KIRREL3: variants seen among roughly 807,000 people sequenced by gnomAD.
KIRREL3 encodes kirre like nephrin family adhesion molecule 3.
KIRREL3 carries 36 observed loss-of-function variants against 89.7 expected under a neutral mutation model. The observed-to-expected ratio is 0.40, with a 90% confidence interval of 0.31 to 0.53. The LOEUF (loss-of-function observed/expected upper bound fraction) is 0.53, where lower values mean the gene tolerates loss of function less well. Ranked by LOEUF, KIRREL3 falls within the 20% of genes least tolerant of loss-of-function variation. The pLI, the probability that KIRREL3 is intolerant of heterozygous loss-of-function variation, is 0.49. For synonymous variants in KIRREL3, 445 were observed against 441.4 expected (o/e 1.01, Z -0.10); for missense variants, 864 against 1,056.6 (o/e 0.82, Z 2.53).
intron 1 of KIRREL3, among the ~76,000 whole-genome samples, chr11:126,963,520 C>T (rs985584459): frequency 2.0e-5 from 3 of 152,162 alleles, no homozygotes; most frequent in African/African-American, 4.8e-5. Context: ...ATCTGTGCAA[C>T]GTTTCTGAAC....
At chr11:126,835,972 G>A (rs1014767669) in intron 1 of KIRREL3, among the ~76,000 whole-genome samples, 8 of 152,152 alleles carry the variant, frequency 5.3e-5, no homozygotes, top group East Asian at 1.9e-4. Context: ...AAGCTGCCCC[G>A]TCTTTGACGA....
At chr11:126,425,153 G>T in intron 16 of KIRREL3, 130 bp from the exon 17 acceptor site, 1 of 810,898 alleles carries the variant, frequency 1.2e-6, no homozygotes. Context: ...GAGCAACCTG[G>T]TAGGGAGCAA....
chr11:126,710,436 C>T lies in KIRREL3; in HGVS notation c.56-147524G>A, dbSNP rs777537850. ...AGTGGGAAGTAGCTTTAGCTTCCCACGACTGTTCAATAGCATTCAAGTAAC... is the reference window on the plus strand; with the variant it reads ...AGTGGGAAGTAGCTTTAGCTTCCCATGACTGTTCAATAGCATTCAAGTAAC... On this transcript the variant is annotated intron_variant, in intron 1 of 16. Transcript: ENST00000525144. The surrounding 1 kb of genome is among the most constrained non-coding windows in gnomAD (Gnocchi z 4.2). Among the ~76,000 whole-genome samples, 3 of 152,138 alleles carry T rather than the reference C, an allele frequency of 2.0e-5. No individual in the cohort carries two copies. The highest frequency in any genetic ancestry group is 4.4e-5 in the Non-Finnish European group (3 of 68,008).
At chr11:126,799,366 G>GTGTGCATA (rs1950937879) in intron 1 of KIRREL3, among the ~76,000 whole-genome samples, 1 of 129,806 alleles carries the variant, frequency 7.7e-6, no homozygotes, top group Non-Finnish European at 1.6e-5. Flanking sequence ...GTGTATCTGT[G>GTGTGCATA]TATCTGTGTG....
chr11:126,922,915 G>A (rs1435295387), intron 1 of KIRREL3, among the ~76,000 whole-genome samples: 2 of 152,162 alleles, frequency 1.3e-5, no homozygotes, highest in South Asian at 2.1e-4. Flanking sequence ...GGTTCTTGCC[G>A]AGGTTGCGAA....
At position 126,612,328 on chromosome 11, in the gene KIRREL3, CT is replaced by C. The variant is rs1367386220; in HGVS notation, c.56-49417del. On this transcript the variant is annotated intron_variant, in intron 1 of 16. Coordinates refer to ENST00000525144, the MANE Select transcript of KIRREL3 (RefSeq NM_032531.4). This position sits in a 1 kb window ranked among gnomAD's most constrained non-coding sequence, Gnocchi z 4.5. ...GAATTTGAGTATTATATGGACACCC[CT>C]GGCATAGAATAAATGCTCCCTCAGT... Among the ~76,000 whole-genome samples the C allele has an allele frequency of 6.6e-6, 1 of 151,572 alleles. No individual in the cohort carries two copies. The highest frequency in any genetic ancestry group is 1.5e-5 in the Non-Finnish European group (1 of 67,874).
Position 126,989,136 on chromosome 11 carries a change from A to G in KIRREL3, c.55+11319T>C, listed in dbSNP as rs766200237. Among the ~76,000 whole-genome samples the G allele has an allele frequency of 6.6e-5, 10 of 152,326 alleles. No homozygotes were observed. In the Middle Eastern group the frequency reaches 0.01, roughly 155 times the overall value. ...GTAAATTCTCAAACTATGCAGCTCT[A>G]TGTTTCCTCTTCTACCCTTGTAGCA... On this transcript the variant is annotated intron_variant, in intron 1 of 16. Transcript: ENST00000525144. This position sits in a 1 kb window ranked among gnomAD's most constrained non-coding sequence, Gnocchi z 6.2.
In KIRREL3 at chr11:126,424,717, T is replaced by C. The variant is rs1954862828; in HGVS notation, c.2200A>G (p.Ser734Gly). 1 of 1,613,988 alleles carries C rather than the reference T, an allele frequency of 6.2e-7. No homozygotes were observed. The part of the protein sequence containing the change: ...DTQCDSSVSS[S>G]GKQDGYVQFD... ...TGCACATAGCCATCCTGCTTGCCGC[T>C]GCTGCTGACGCTGCTGTCACACTGC... The change falls in exon 17 of 17, where the codon AGC becomes GGC. Residue 734 changes from serine to glycine, a missense_variant. By Grantham distance (56) the Ser-to-Gly change is moderately conservative. Coordinates refer to ENST00000525144, the MANE Select transcript of KIRREL3 (RefSeq NM_032531.4).
Position 126,788,208 on chromosome 11 carries a change from C to T in KIRREL3, c.55+212247G>A, listed in dbSNP as rs549943993. Among the ~76,000 whole-genome samples the T allele has an allele frequency of 1.6e-4, 24 of 152,334 alleles. No homozygotes were observed. The highest frequency in any genetic ancestry group is 4.8e-4 in the African/African-American group (20 of 41,582). On this transcript the variant is annotated intron_variant, in intron 1 of 16. Transcript: ENST00000525144. This position sits in a 1 kb window ranked among gnomAD's most constrained non-coding sequence, Gnocchi z 4.1. ...ACAAATGCACAATCTGGAAGGAAAT[C>T]GTTTCTAACCATCTCTTTTTCATTC...
In KIRREL3 at chr11:126,517,270, C is replaced by T. The variant is rs113109042; in HGVS notation, c.433+4045G>A. Among the ~76,000 whole-genome samples, 9 of 152,298 alleles carry T rather than the reference C, an allele frequency of 5.9e-5. 1 individual carries two copies. Among genetic ancestry groups the T allele is most frequent in the African/African-American group, 1.7e-4 (7 of 41,550 alleles). ...GAAACGTCATTCATTCATTCATTCA[C>T]GCTGGTTATAGAGGCTTGAGCCAAA... On this transcript the variant is annotated intron_variant, in intron 4 of 16. Transcript: ENST00000525144.
chr11:126,818,934 C>T (rs927993165), intron 1 of KIRREL3, among the ~76,000 whole-genome samples: 2 of 152,194 alleles, frequency 1.3e-5, no homozygotes, highest in Admixed American at 1.3e-4. Flanking sequence ...ATCCCCTACA[C>T]TCCTGTCCTG....
At chr11:126,479,514 C>T (rs1460606163) in intron 4 of KIRREL3, among the ~76,000 whole-genome samples, 1 of 152,208 alleles carries the variant, frequency 6.6e-6, no homozygotes, top group African/African-American at 2.4e-5. Context: ...TCTTGTGCTC[C>T]ACCTCAGACC....
Position 126,912,433 on chromosome 11 carries a change from A to C in KIRREL3, c.55+88022T>G, listed in dbSNP as rs1946861700. 6.6e-6 allele frequency among the ~76,000 whole-genome samples: 1 copy of C among 151,910 alleles called. No homozygotes were observed. The highest frequency in any genetic ancestry group is 2.1e-4 in the South Asian group (1 of 4,802). Reference sequence around the variant, plus strand: ...CACACTAATTACCCCTTTCCATCTCACATTCCTCCAGCTGGTTCAGCACTT... The same window carrying C: ...CACACTAATTACCCCTTTCCATCTCCCATTCCTCCAGCTGGTTCAGCACTT... On this transcript the variant is annotated intron_variant, in intron 1 of 16. Transcript: ENST00000525144. The surrounding 1 kb of genome is among the most constrained non-coding windows in gnomAD (Gnocchi z 4.7).
intron 1 of KIRREL3, among the ~76,000 whole-genome samples, chr11:126,963,067 T>C (rs1192487866): frequency 6.6e-6 from 1 of 152,226 alleles, no homozygotes; most frequent in Non-Finnish European, 1.5e-5. Flanking sequence ...TTTATTGCAA[T>C]GCTCACTTCC....
chr11:126,961,526 G>A (rs944616185), intron 1 of KIRREL3, among the ~76,000 whole-genome samples: 6 of 152,210 alleles, frequency 3.9e-5, no homozygotes, highest in Non-Finnish European at 2.9e-5. Context: ...ACAGAGATGA[G>A]GAAGTTGCAG....
At position 126,668,620 on chromosome 11, in the gene KIRREL3, C is replaced by CCCTT. The variant is rs1945772616; in HGVS notation, c.56-105712_56-105709dup. Among the ~76,000 whole-genome samples, 1 of 152,052 alleles carries CCCTT rather than the reference C, an allele frequency of 6.6e-6. No homozygotes were observed. Among genetic ancestry groups the CCCTT allele is most frequent in the Non-Finnish European group, 1.5e-5 (1 of 68,008 alleles). ...CTTCTCTAGGATGACAGAGAGGCCC[C>CCCTT]CCTTCTCGGTTTTCTCAGATAGCAT... On this transcript the variant is annotated intron_variant, in intron 1 of 16. Coordinates refer to ENST00000525144, the MANE Select transcript of KIRREL3 (RefSeq NM_032531.4). The surrounding 1 kb of genome is among the most constrained non-coding windows in gnomAD (Gnocchi z 4.4).
rs1017198298 is a variant in KIRREL3, at chr11:126,843,331, A to G, written c.55+157124T>C. ...TGATCTTGCCTCGAAGTCAAAGGCA[A>G]TCTGGAAGATCTCCAAGTGTAAAGG... On this transcript the variant is annotated intron_variant, in intron 1 of 16. Transcript: ENST00000525144. This position sits in a 1 kb window ranked among gnomAD's most constrained non-coding sequence, Gnocchi z 4.6. 2.6e-5 allele frequency among the ~76,000 whole-genome samples: 4 copies of G among 152,244 alleles called. No individual in the cohort carries two copies. The highest frequency in any genetic ancestry group is 9.6e-5 in the African/African-American group (4 of 41,472).
In KIRREL3 at chr11:126,677,152, C is replaced by A. The variant is rs2135082498; in HGVS notation, c.56-114240G>T. On this transcript the variant is annotated intron_variant, in intron 1 of 16. Coordinates refer to ENST00000525144, the MANE Select transcript of KIRREL3 (RefSeq NM_032531.4). This position sits in a 1 kb window ranked among gnomAD's most constrained non-coding sequence, Gnocchi z 5.1. ...TAATATATTCGCAGATTTGCACAAC[C>A]ACCACCACAGTCCATTTAGAACCTT... 6.6e-6 allele frequency among the ~76,000 whole-genome samples: 1 copy of A among 152,150 alleles called. No individual in the cohort carries two copies. The highest frequency in any genetic ancestry group is 1.9e-4 in the East Asian group (1 of 5,178).
At chr11:126,435,213 G>T in intron 13 of KIRREL3, 55 bp downstream of exon 13, 2 of 1,592,276 alleles carry the variant, frequency 1.3e-6, no homozygotes, top group Non-Finnish European at 8.6e-7. Flanking sequence ...TCCCCAGCTA[G>T]CCAGGAAGTC....
Sources: gnomAD v4.1 joint callset for allele counts (sites outside exome capture counted in the v4.1 genomes callset) on GRCh38, gnomAD v4.1.1 for gene constraint, Gnocchi (gnomAD v3.1) non-coding constraint, MANE v1.5 for transcripts, NCBI Gene and HGNC (gene_info 2026-07-23, HGNC 2026-07-21) for gene names.